NTN4: variants seen among roughly 807,000 people sequenced by gnomAD.
NTN4 encodes the protein netrin 4.
NTN4 carries 32 observed loss-of-function variants against 73.6 expected under a neutral mutation model. The ratio of observed to expected loss-of-function variants is 0.44; its 90% CI spans 0.33 to 0.58. The LOEUF (loss-of-function observed/expected upper bound fraction) is 0.58. Among genes scored for constraint, NTN4 ranks in the 20% least tolerant of loss-of-function variants. The pLI, the probability that NTN4 is intolerant of heterozygous loss-of-function variation, is 0.04. For synonymous variants in NTN4, 258 were observed against 287.5 expected (o/e 0.90, Z 1.04); for missense variants, 654 against 798.3 (o/e 0.82, Z 2.18).
chr12:95,754,085 C>T (rs1466324830), intron 2 of NTN4, among the ~76,000 whole-genome samples: 2 of 152,204 alleles, frequency 1.3e-5, no homozygotes, highest in Non-Finnish European at 2.9e-5. Context: ...CAGGACTATG[C>T]TGAATCTCCT....
rs566292000 is a variant in NTN4 at position 95,786,996 on chromosome 12, C to T, written c.528G>A (p.Lys176=). 6.2e-7 allele frequency: 1 copy of T among 1,614,214 alleles called. No individual in the cohort carries two copies. The highest frequency in any genetic ancestry group is 2.2e-5 in the East Asian group (1 of 44,884). The part of the protein sequence containing the change: ...ATFGLEDDVV[K]KGAICTSKYS... Reference sequence around the variant, plus strand: ...ATTTAGAAGTACAAATAGCGCCCTTCTTGACAACATCATCTTCCAGGCCAA... The same window carrying T: ...ATTTAGAAGTACAAATAGCGCCCTTTTTGACAACATCATCTTCCAGGCCAA... Residue 176 remains lysine (K), a synonymous_variant, in exon 2 of 10, where the codon AAG becomes AAA. Transcript: ENST00000343702.
At position 95,710,474 on chromosome 12, in the gene NTN4, G is replaced by A. The variant is rs148847984; in HGVS notation, c.1147C>T (p.Arg383Trp). 21 of 1,613,816 alleles carry A rather than the reference G, an allele frequency of 1.3e-5. No individual in the cohort carries two copies. Among genetic ancestry groups the A allele is most frequent in the East Asian group, 2.2e-5 (1 of 44,888 alleles). Residue 383 changes from arginine (R) to tryptophan (W), a missense_variant, in exon 5 of 10, where the codon CGG (arginine) becomes TGG (tryptophan). Physicochemically the swap from Arg to Trp is moderately radical, Grantham distance 101 (BLOSUM62 -3). Transcript: ENST00000343702. ...RCKPGFYRDL[R>W]RPFSAPDACK... ...GCATCTGGAGCTGAGAAGGGTCTCC[G>A]CAGGTCACGATAGAAGCCTGGCTTG...
At chr12:95,720,548 A>G (rs182625346) in intron 3 of NTN4, among the ~76,000 whole-genome samples, 27 of 151,996 alleles carry the variant, frequency 1.8e-4, no homozygotes, top group Admixed American at 6.6e-4. Flanking sequence ...TTTTTCATTC[A>G]GGGAATATAT....
At position 95,658,930 on chromosome 12, in the gene NTN4, G is replaced by C. The variant is rs1407605714; in HGVS notation, c.*156C>G. ...GAAATAAAACTGTATTTAAACATGG[G>C]TCCAGAAGAGATAAGTTAGATAAGA... On this transcript the variant is annotated 3_prime_UTR_variant, in exon 10 of 10. Coordinates refer to ENST00000343702, the MANE Select transcript of NTN4 (RefSeq NM_021229.4). 5 of 626,194 alleles carry C rather than the reference G, an allele frequency of 8.0e-6. No individual in the cohort carries two copies. The highest frequency in any genetic ancestry group is 1.4e-5 in the Non-Finnish European group (5 of 367,968). 38.8% of individuals were successfully genotyped at this position (626,194 alleles called of 1,614,324 possible).
chr12:95,740,837 A>G (rs1345172815), intron 2 of NTN4, among the ~76,000 whole-genome samples: 1 of 152,138 alleles, frequency 6.6e-6, no homozygotes, highest in Non-Finnish European at 1.5e-5. Context: ...GTTCTCAAAG[A>G]ATGGTTCCCC....
chr12:95,689,429 T>A (rs1466991351), intron 5 of NTN4, among the ~76,000 whole-genome samples: 2 of 152,222 alleles, frequency 1.3e-5, no homozygotes, highest in Non-Finnish European at 2.9e-5. Flanking sequence ...CCATCTTTCT[T>A]GTTTCTTTGC....
chr12:95,703,045 C>T (rs896331115), intron 5 of NTN4, among the ~76,000 whole-genome samples: 1 of 151,960 alleles, frequency 6.6e-6, no homozygotes, highest in Non-Finnish European at 1.5e-5. Flanking sequence ...TTAGTAGAGA[C>T]GGAGTTTCAC....
At chr12:95,685,624 T>A (rs1230572791) in intron 5 of NTN4, among the ~76,000 whole-genome samples, 1 of 152,226 alleles carries the variant, frequency 6.6e-6, no homozygotes, top group African/African-American at 2.4e-5. Flanking sequence ...TCTCTGCTTT[T>A]TCCCCTTGGA....
chr12:95,742,944 G>T (rs1243821303), intron 2 of NTN4, among the ~76,000 whole-genome samples: 1 of 152,202 alleles, frequency 6.6e-6, no homozygotes, highest in Non-Finnish European at 1.5e-5. Flanking sequence ...CTTACCACAA[G>T]TTCCGCACTC....
intron 7 of NTN4, among the ~76,000 whole-genome samples, chr12:95,682,057 C>CATTTTTTTTTT: frequency 1.5e-5 from 1 of 64,546 alleles, no homozygotes; most frequent in Non-Finnish European, 2.6e-5. Flanking sequence ...ATTCAGTAGG[C>CATTTTTTTTTT]TTTTTTTTTT....
chr12:95,722,640 C>T (rs1020183776), intron 3 of NTN4, among the ~76,000 whole-genome samples: 14 of 151,228 alleles, frequency 9.3e-5, no homozygotes, highest in Admixed American at 8.6e-4. Flanking sequence ...AAAACAAAAA[C>T]CTCACTTAAA....
At chr12:95,766,759 G>C (rs2079023928) in intron 2 of NTN4, among the ~76,000 whole-genome samples, 1 of 152,180 alleles carries the variant, frequency 6.6e-6, no homozygotes, top group African/African-American at 2.4e-5. Context: ...AGACAGAAGG[G>C]CTCTTCTCTT....
intron 9 of NTN4, among the ~76,000 whole-genome samples, chr12:95,662,235 CTTTTTT>C (rs71087990): frequency 1.7e-5 from 2 of 118,388 alleles, no homozygotes; most frequent in African/African-American, 3.2e-5. Flanking sequence ...CTTTTTCTTT[CTTTTTT>C]TTTTTTTTTG....
chr12:95,702,948 C>T (rs1406879692), intron 5 of NTN4, among the ~76,000 whole-genome samples: 1 of 150,118 alleles, frequency 6.7e-6, no homozygotes, highest in Non-Finnish European at 1.5e-5. Context: ...ACCTCTGCCT[C>T]CCAGGTGCGA....
intron 7 of NTN4, among the ~76,000 whole-genome samples, chr12:95,682,380 T>C (rs2120986755): frequency 6.6e-6 from 1 of 151,414 alleles, no homozygotes; most frequent in East Asian, 1.9e-4. Flanking sequence ...GAGAAAAACA[T>C]ACCAAAGTAT....
intron 2 of NTN4, among the ~76,000 whole-genome samples, chr12:95,784,041 G>C (rs2079150098): frequency 6.6e-6 from 1 of 152,168 alleles, no homozygotes; most frequent in African/African-American, 2.4e-5. Context: ...ATAATACCTA[G>C]AGAAGTCTTA....
At chr12:95,746,157 T>G (rs1278384491) in intron 2 of NTN4, among the ~76,000 whole-genome samples, 1 of 152,158 alleles carries the variant, frequency 6.6e-6, no homozygotes, top group Non-Finnish European at 1.5e-5. Context: ...ACTTAACTTG[T>G]GCAAGCTGAC....
At chr12:95,773,311 G>C (rs1161354679) in intron 2 of NTN4, among the ~76,000 whole-genome samples, 1 of 152,120 alleles carries the variant, frequency 6.6e-6, no homozygotes, top group African/African-American at 2.4e-5. Context: ...GCCTCCAATG[G>C]CTTCTAATAT....
At chr12:95,676,267 C>A (rs1242597899) in intron 7 of NTN4, among the ~76,000 whole-genome samples, 1 of 151,980 alleles carries the variant, frequency 6.6e-6, no homozygotes, top group Non-Finnish European at 1.5e-5. Flanking sequence ...CCACACCCAG[C>A]TAATTTTTTT....
Sources: gnomAD v4.1 joint callset for allele counts (sites outside exome capture counted in the v4.1 genomes callset) on GRCh38, gnomAD v4.1.1 for gene constraint, MANE v1.5 for transcripts, NCBI Gene and HGNC (gene_info 2026-07-23, HGNC 2026-07-21) for gene names.